Variants in DZIP3 observed in about 807,000 individuals in gnomAD.
The protein encoded by DZIP3 is DAZ interacting zinc finger protein 3.
In DZIP3, 118 loss-of-function variants were observed where a neutral mutation model predicts 162.0. The observed-to-expected ratio is 0.73, with a 90% CI of 0.63 to 0.85. The LOEUF is 0.85. Among genes scored for constraint, DZIP3 ranks in the 40% least tolerant of loss-of-function variants. DZIP3 has a pLI of 0.00. For missense variants in DZIP3, 1,331 were observed against 1,407.0 expected, an observed-to-expected ratio of 0.95 and a Z score of 0.86; for synonymous variants, 438 against 458.6, an observed-to-expected ratio of 0.96 and a Z score of 0.57.
intron 3 of DZIP3, among the ~76,000 whole-genome samples, chr3:108,609,789 C>A (rs960273560): frequency 6.6e-6 from 1 of 152,116 alleles, no homozygotes; most frequent in Non-Finnish European, 1.5e-5. Context: ...TGCAGTGAGC[C>A]GTGTTCATGC....
At chr3:108,616,047 G>A (rs1212017545) in intron 4 of DZIP3, among the ~76,000 whole-genome samples, 3 of 152,132 alleles carry the variant, frequency 2.0e-5, no homozygotes, top group African/African-American at 4.8e-5. Context: ...GGCGGATCAC[G>A]AGGTCAGGAG....
chr3:108,648,836 T>G (rs1942742411), intron 16 of DZIP3, 82 bp from the exon 17 acceptor site: 1 of 659,882 alleles, frequency 1.5e-6, no homozygotes, highest in Non-Finnish European at 2.2e-6. Flanking sequence ...AAGATCTCAG[T>G]GGTGAGAGGA....
At position 108,690,604 on chromosome 3, in the gene DZIP3, C is replaced by G. The variant is rs571518067; in HGVS notation, c.3517-183C>G. On this transcript the variant is annotated intron_variant, in intron 31 of 32. Transcript: ENST00000361582. Reference sequence around the variant, plus strand: ...CTAAAAGGTATTGTGCAGTTACCACCTATTTTGTTTAGCAAACCACAGGGA... The same window carrying G: ...CTAAAAGGTATTGTGCAGTTACCACGTATTTTGTTTAGCAAACCACAGGGA... 3.9e-5 allele frequency among the ~76,000 whole-genome samples: 6 copies of G among 152,294 alleles called. No individual in the cohort carries two copies. In the South Asian group the frequency reaches 1.2e-3, roughly 32 times the overall value.
At position 108,644,612 on chromosome 3, in the gene DZIP3, G is replaced by GA. The variant is rs1278114896; in HGVS notation, c.1596dup (p.Val533SerfsTer16). ...CTGAGTCACAGTTCAATTCAATTTG[G>GA]AAAAAAGTTTCAGATATTCTTCTGC... On this transcript the variant is annotated frameshift_variant, in exon 14 of 33. Transcript: ENST00000361582. LOFTEE classifies it high-confidence loss of function. 6 of 1,613,872 alleles carry GA rather than the reference G, an allele frequency of 3.7e-6. No homozygotes were observed. Among genetic ancestry groups the GA allele is most frequent in the Non-Finnish European group, 4.2e-6 (5 of 1,179,938 alleles).
intron 8 of DZIP3, among the ~76,000 whole-genome samples, chr3:108,631,990 T>C (rs899060175): frequency 1.2e-4 from 18 of 152,098 alleles, no homozygotes; most frequent in African/African-American, 4.3e-4. Context: ...AGATATTTTT[T>C]TCTACTGTCT....
intron 4 of DZIP3, among the ~76,000 whole-genome samples, chr3:108,612,131 C>T (rs1354764529): frequency 2.0e-5 from 3 of 151,932 alleles, no homozygotes; most frequent in African/African-American, 7.3e-5. Context: ...AAGAAAGATA[C>T]CATTTCTTAA....
chr3:108,625,874 G>A lies in DZIP3; in HGVS notation c.486G>A (p.Leu162=). The change falls in exon 7 of 33, where the codon CTG becomes CTA. Residue 162 remains leucine, a synonymous_variant. Coordinates refer to ENST00000361582, the MANE Select transcript of DZIP3 (RefSeq NM_014648.4). ...EDYTEAENKF[L]VMKMMIQENE... ...ATACAGAAGCTGAGAATAAATTTCT[G>A]GTGATGAAGATGATGATCCAAGAAA... 1 of 1,612,406 alleles carries A rather than the reference G, an allele frequency of 6.2e-7. No homozygotes were observed. The highest frequency in any genetic ancestry group is 8.5e-7 in the Non-Finnish European group (1 of 1,179,206).
chr3:108,642,482 G>GAT lies in DZIP3; in HGVS notation c.1110_1111insTA (p.Pro371TyrfsTer6). The GAT allele has an allele frequency of 1.3e-6, 2 of 1,484,352 alleles. No homozygotes were observed. Among genetic ancestry groups the GAT allele is most frequent in the Non-Finnish European group, 1.8e-6 (2 of 1,095,854 alleles). 91.9% of individuals were successfully genotyped at this position (1,484,352 alleles called of 1,614,324 possible). ...CTGAAAATAACTGATACTGATATAA[G>GAT]ACCGAAGATCAGTTTAAAATTTAAT... On this transcript the variant is annotated frameshift_variant, in exon 13 of 33. Transcript: ENST00000361582. LOFTEE classifies it high-confidence loss of function.
chr3:108,612,411 G>A (rs780694728), intron 4 of DZIP3, among the ~76,000 whole-genome samples: 2 of 152,036 alleles, frequency 1.3e-5, no homozygotes, highest in Non-Finnish European at 2.9e-5. Flanking sequence ...GAAATTGATA[G>A]AATAATGCTA....
Position 108,672,582 on chromosome 3 carries a change from C to T in DZIP3, c.2515C>T (p.His839Tyr). 6.2e-7 allele frequency: 1 copy of T among 1,611,304 alleles called. No individual in the cohort carries two copies. Among genetic ancestry groups the T allele is most frequent in the African/African-American group, 1.3e-5 (1 of 74,776 alleles). ...CAGATCTCAGTGGGAAATGGAAAAACATAATCTGGAAAGCACAATGAAAAC... is the reference window on the plus strand; with the variant it reads ...CAGATCTCAGTGGGAAATGGAAAAATATAATCTGGAAAGCACAATGAAAAC... Reference protein sequence around the residue: ...MKRSQWEMEKHNLESTMKTYV... With the variant: ...MKRSQWEMEKYNLESTMKTYV... Residue 839 changes from histidine to tyrosine, a missense_variant, in exon 23 of 33, where the codon CAT becomes TAT. By Grantham distance (83) the His-to-Tyr change is moderately conservative (BLOSUM62 2). Coordinates refer to ENST00000361582, the MANE Select transcript of DZIP3 (RefSeq NM_014648.4).
intron 20 of DZIP3, 36 bp from the exon 21 acceptor site, chr3:108,662,094 A>T: frequency 1.3e-6 from 2 of 1,575,530 alleles, no homozygotes; most frequent in African/African-American, 2.7e-5. Context: ...GGTGACTTGA[A>T]CATAATTATC....
Position 108,679,904 on chromosome 3 carries a change from A to G in DZIP3, c.2883+2306A>G, listed in dbSNP as rs569198181. Among the ~76,000 whole-genome samples the G allele has an allele frequency of 8.5e-5, 13 of 152,176 alleles. No homozygotes were observed. In the South Asian group the frequency reaches 2.5e-3, roughly 29 times the overall value. Reference sequence around the variant, plus strand: ...TTAACCCAGTAATTCTATGTGTTTCATTGTATCTTGATTTTTGTAGCTTGG... The same window carrying G: ...TTAACCCAGTAATTCTATGTGTTTCGTTGTATCTTGATTTTTGTAGCTTGG... On this transcript the variant is annotated intron_variant, in intron 26 of 32. Coordinates refer to ENST00000361582, the MANE Select transcript of DZIP3 (RefSeq NM_014648.4).
At chr3:108,597,323 A>G (rs1939763795) in intron 1 of DZIP3, among the ~76,000 whole-genome samples, 1 of 152,172 alleles carries the variant, frequency 6.6e-6, no homozygotes, top group Non-Finnish European at 1.5e-5. Context: ...TTTTGAGTAT[A>G]TATTCCCCCA....
intron 1 of DZIP3, among the ~76,000 whole-genome samples, chr3:108,600,400 C>G (rs1471653671): frequency 6.6e-6 from 1 of 151,418 alleles, no homozygotes; most frequent in Non-Finnish European, 1.5e-5. Flanking sequence ...AATCAAAGGT[C>G]TGGTAAAATG....
At chr3:108,653,505 G>GTGTGTA (rs1942958950) in intron 18 of DZIP3, among the ~76,000 whole-genome samples, 1 of 67,830 alleles carries the variant, frequency 1.5e-5, no homozygotes, top group Non-Finnish European at 3.3e-5. Flanking sequence ...TTGTGTGTGT[G>GTGTGTA]TGTATATATA....
rs1482476910 is a variant in DZIP3, at chr3:108,693,721, T to C, written c.*368T>C. 6.6e-6 allele frequency: 1 copy of C among 152,136 alleles called. No individual in the cohort carries two copies. Among genetic ancestry groups the C allele is most frequent in the Non-Finnish European group, 1.5e-5 (1 of 68,012 alleles). The allele number at this position is 152,136 out of a possible 1,614,324, so 9.4% of individuals were successfully genotyped here. A position where few individuals can be genotyped will look rare whatever the true frequency, so the allele number is the denominator to read the frequency against. On this transcript the variant is annotated 3_prime_UTR_variant, in exon 33 of 33. Coordinates refer to ENST00000361582, the MANE Select transcript of DZIP3 (RefSeq NM_014648.4). Reference sequence around the variant, plus strand: ...GGAGTTAATATGCAAACTAAATCACTCGCTCAATTGAATAATTGAGATCTT... The same window carrying C: ...GGAGTTAATATGCAAACTAAATCACCCGCTCAATTGAATAATTGAGATCTT...
At chr3:108,635,112 C>A in intron 10 of DZIP3, 140 bp downstream of exon 10, 1 of 527,406 alleles carries the variant, frequency 1.9e-6, no homozygotes, top group Non-Finnish European at 3.4e-6. Flanking sequence ...TCTTTTACTT[C>A]CTTCTTTGTT....
chr3:108,593,079 A>G lies in DZIP3; in HGVS notation c.-73+3240A>G, dbSNP rs551111283. Among the ~76,000 whole-genome samples the G allele has an allele frequency of 9.8e-5, 15 of 152,362 alleles. No homozygotes were observed. The South Asian group carries it at 2.9e-3, about 29-fold the overall frequency. On this transcript the variant is annotated intron_variant, in intron 1 of 32. Transcript: ENST00000361582. ...GGCTTTTATATCTGTTTCATTCTAA[A>G]AAATGTCTGCCAAAAATTATCCAGT...
In DZIP3 at chr3:108,688,575, T is replaced by A. The variant is rs1276669365; in HGVS notation, c.3271-18T>A. 1 of 1,608,690 alleles carries A rather than the reference T, an allele frequency of 6.2e-7. No individual in the cohort carries two copies. Among genetic ancestry groups the A allele is most frequent in the Non-Finnish European group, 8.5e-7 (1 of 1,177,598 alleles). ...TAGGATAATTCTGAAAAAATAAACA[T>A]TATGTTCTTATTTTCAGAGTCAAGG... On this transcript the variant is annotated intron_variant, in intron 29 of 32. Transcript: ENST00000361582.
Sources: allele counts gnomAD v4.1 joint callset (sites outside exome capture counted in the v4.1 genomes callset), GRCh38; gene constraint gnomAD v4.1.1; transcripts MANE v1.5; gene names NCBI Gene and HGNC (gene_info 2026-07-23, HGNC 2026-07-21).